SCARA5: variants seen among roughly 807,000 people sequenced by gnomAD.
The protein encoded by SCARA5 is scavenger receptor class A, member 5 (putative).
In SCARA5, 45 loss-of-function variants were observed where a neutral mutation model predicts 46.3. The ratio of observed to expected loss-of-function variants is 0.97; its 90% CI spans 0.76 to 1.24. The LOEUF is 1.24. SCARA5 is among the 50% of genes most tolerant of loss of function. The pLI, the probability that SCARA5 is intolerant of heterozygous loss-of-function variation, is 0.00. For synonymous variants in SCARA5, 333 were observed against 306.5 expected (o/e 1.09, Z -0.90); for missense variants, 680 against 689.0 (o/e 0.99, Z 0.15).
chr8:27,946,111 T>C (rs1323533720), intron 3 of SCARA5, among the ~76,000 whole-genome samples: 2 of 152,240 alleles, frequency 1.3e-5, no homozygotes, highest in Admixed American at 1.3e-4. Context: ...ATCACTCTCT[T>C]ATTTGTAGCA....
chr8:27,984,846 T>G (rs1158650743), intron 2 of SCARA5, among the ~76,000 whole-genome samples: 1 of 152,188 alleles, frequency 6.6e-6, no homozygotes, highest in East Asian at 1.9e-4. Context: ...TATTCATCCA[T>G]CCAGCTATCC....
intron 2 of SCARA5, 62 bp from the exon 3 acceptor site, chr8:27,966,604 T>TC: frequency 6.6e-7 from 1 of 1,509,670 alleles, no homozygotes; most frequent in Non-Finnish European, 8.9e-7. Flanking sequence ...TAAGCTCTTT[T>TC]CTTTTTTGGT....
intron 3 of SCARA5, among the ~76,000 whole-genome samples, chr8:27,961,650 C>T (rs756508116): frequency 6.6e-6 from 1 of 152,182 alleles, no homozygotes; most frequent in South Asian, 2.1e-4. Flanking sequence ...AGGGTTCCAA[C>T]TCAGACAGGC....
At chr8:27,977,863 C>T (rs988142417) in intron 2 of SCARA5, among the ~76,000 whole-genome samples, 2 of 152,210 alleles carry the variant, frequency 1.3e-5, no homozygotes, top group Admixed American at 1.3e-4. Context: ...TGGGCTCCGA[C>T]TGTAAAAAAC....
Position 27,921,832 on chromosome 8 carries a change from C to G in SCARA5, c.655G>C (p.Glu219Gln), listed in dbSNP as rs1585491138. 6.5e-7 allele frequency: 1 copy of G among 1,544,550 alleles called. No homozygotes were observed. Among genetic ancestry groups the G allele is most frequent in the Non-Finnish European group, 8.7e-7 (1 of 1,151,300 alleles). ...LARRVGILGE[E>Q]LADVGGVLRG... ...AGCACGCCGCCCACGTCGGCCAGCT[C>G]CTCGCCCAGGATGCCCACCCTGCGC... The change falls in exon 4 of 9, where the codon GAG (glutamate) becomes CAG (glutamine). Residue 219 changes from glutamate (E) to glutamine (Q), a missense_variant. By Grantham distance (29) the Glu-to-Gln change is conservative. Coordinates refer to ENST00000354914, the MANE Select transcript of SCARA5 (RefSeq NM_173833.6).
intron 2 of SCARA5, among the ~76,000 whole-genome samples, chr8:27,972,211 G>A (rs1808456812): frequency 1.3e-5 from 2 of 152,072 alleles, no homozygotes; most frequent in South Asian, 4.2e-4. Flanking sequence ...CAGCTACCCA[G>A]GAGGCCGAAG....
At chr8:27,952,504 C>T (rs1356753816) in intron 3 of SCARA5, among the ~76,000 whole-genome samples, 1 of 152,174 alleles carries the variant, frequency 6.6e-6, no homozygotes, top group Non-Finnish European at 1.5e-5. Context: ...CCAGGGGACA[C>T]AGGCTGCAGA....
Position 27,987,623 on chromosome 8 carries a change from T to G in SCARA5, c.-8A>C. 1 of 1,586,300 alleles carries G rather than the reference T, an allele frequency of 6.3e-7. No homozygotes were observed. The highest frequency in any genetic ancestry group is 8.7e-7 in the Non-Finnish European group (1 of 1,154,702). On this transcript the variant is annotated 5_prime_UTR_variant, in exon 2 of 9. Transcript: ENST00000354914. Reference sequence around the variant, plus strand: ...CATAGCTTTGTTCTCCATCACACCCTGCAACAGCTGCAGAGAAGGCAAGAG... The same window carrying G: ...CATAGCTTTGTTCTCCATCACACCCGGCAACAGCTGCAGAGAAGGCAAGAG...
intron 3 of SCARA5, among the ~76,000 whole-genome samples, chr8:27,937,411 C>T (rs970888910): frequency 1.3e-5 from 2 of 152,216 alleles, no homozygotes; most frequent in South Asian, 4.1e-4. Context: ...ACAACTCAGG[C>T]CCCTGCTGCA....
intron 3 of SCARA5, among the ~76,000 whole-genome samples, chr8:27,963,669 A>G (rs1808323835): frequency 1.3e-5 from 2 of 152,212 alleles, no homozygotes; most frequent in South Asian, 4.1e-4. Context: ...CGTGAGGTAC[A>G]TGTTTGCCTT....
intron 7 of SCARA5, among the ~76,000 whole-genome samples, chr8:27,892,602 C>CA (rs1807001740): frequency 7.5e-6 from 1 of 133,506 alleles, no homozygotes; most frequent in Admixed American, 7.6e-5. Flanking sequence ...CTCCATACCT[C>CA]ACCCTTTTTT....
intron 7 of SCARA5, among the ~76,000 whole-genome samples, chr8:27,885,209 T>C (rs781216817): frequency 6.6e-6 from 1 of 152,070 alleles, no homozygotes; most frequent in Non-Finnish European, 1.5e-5. Context: ...AGGTGCCATT[T>C]TGGACGAGTA....
chr8:27,883,699 AT>A (rs1452576564), intron 7 of SCARA5, among the ~76,000 whole-genome samples: 1 of 152,214 alleles, frequency 6.6e-6, no homozygotes, highest in Admixed American at 6.5e-5. Flanking sequence ...CAGAGAAGAA[AT>A]CAGGGTCATC....
chr8:27,971,782 G>A (rs1053147716), intron 2 of SCARA5, among the ~76,000 whole-genome samples: 8 of 152,190 alleles, frequency 5.3e-5, no homozygotes, highest in African/African-American at 1.2e-4. Flanking sequence ...GCTGGGAGAC[G>A]TTGTTCATCT....
At chr8:27,902,936 G>A (rs1807182108) in intron 7 of SCARA5, among the ~76,000 whole-genome samples, 1 of 152,190 alleles carries the variant, frequency 6.6e-6, no homozygotes, top group Non-Finnish European at 1.5e-5. Context: ...TGAGTGTGGG[G>A]GGTCCAGGAT....
chr8:27,954,911 T>A (rs980417379), intron 3 of SCARA5, among the ~76,000 whole-genome samples: 6 of 152,212 alleles, frequency 3.9e-5, no homozygotes, highest in African/African-American at 1.2e-4. Flanking sequence ...TGGCAGAGAA[T>A]ACACTGAAAA....
chr8:27,960,519 C>T (rs947184149), intron 3 of SCARA5, among the ~76,000 whole-genome samples: 1 of 152,274 alleles, frequency 6.6e-6, no homozygotes, highest in East Asian at 1.9e-4. Flanking sequence ...TTTAATTTTT[C>T]ATGTATTATT....
intron 2 of SCARA5, among the ~76,000 whole-genome samples, chr8:27,986,480 C>T (rs777172392): frequency 2.0e-4 from 30 of 148,884 alleles, no homozygotes; most frequent in South Asian, 4.3e-4. Context: ...TGGCCTGACA[C>T]GTCGTGGATC....
At chr8:27,920,017 A>G (rs1198390785) in intron 4 of SCARA5, among the ~76,000 whole-genome samples, 1 of 151,688 alleles carries the variant, frequency 6.6e-6, no homozygotes, top group African/African-American at 2.4e-5. Flanking sequence ...AGTGCATTTC[A>G]TGAAAGGTGT....
Sources: gnomAD v4.1 joint callset for allele counts (sites outside exome capture counted in the v4.1 genomes callset) on GRCh38, gnomAD v4.1.1 for gene constraint, MANE v1.5 for transcripts, NCBI Gene and HGNC (gene_info 2026-07-23, HGNC 2026-07-21) for gene names.